TMPRSS11A: variants seen among roughly 807,000 people sequenced by gnomAD.
The protein encoded by TMPRSS11A is transmembrane protease serine 11A.
TMPRSS11A carries 53 observed loss-of-function variants against 58.9 expected under a neutral mutation model. The observed-to-expected ratio is 0.90, with a 90% CI of 0.72 to 1.13. TMPRSS11A has a LOEUF of 1.13. TMPRSS11A is among the 50% of genes most tolerant of loss of function. TMPRSS11A has a pLI of 0.00. For missense variants in TMPRSS11A, 493 were observed against 499.3 expected, an observed-to-expected ratio of 0.99 and a Z score of 0.12; for synonymous variants, 167 against 169.8, an observed-to-expected ratio of 0.98 and a Z score of 0.13.
In TMPRSS11A at chr4:67,920,549, A is replaced by ATATATATATATATATATT. The variant is rs371252656; in HGVS notation, c.693-1318_693-1317insAATATATATATATATATA. 3.8e-5 allele frequency among the ~76,000 whole-genome samples: 5 copies of ATATATATATATATATATT among 130,896 alleles called. No individual in the cohort carries two copies. In the South Asian group the frequency reaches 9.7e-4, roughly 25 times the overall value. 85.9% of individuals were successfully genotyped at this position (130,896 alleles called of 152,430 possible). On this transcript the variant is annotated intron_variant, in intron 7 of 9. Transcript: ENST00000508048. Reference sequence around the variant, plus strand: ...TAATTATATATATATATATATATATATTTTTTTTTATATATACACACACAC... The same window carrying ATATATATATATATATATT: ...TAATTATATATATATATATATATATATATATATATATATATATTTTTTTTTTTATATATACACACACAC...
intron 3 of TMPRSS11A, among the ~76,000 whole-genome samples, chr4:67,940,304 T>G (rs1269038051): frequency 6.6e-6 from 1 of 152,206 alleles, no homozygotes; most frequent in Non-Finnish European, 1.5e-5. Context: ...TCACTAGAAT[T>G]GGTCCTAGCT....
intron 9 of TMPRSS11A, among the ~76,000 whole-genome samples, chr4:67,914,195 G>A (rs1056378902): frequency 3.6e-4 from 54 of 151,924 alleles, no homozygotes; most frequent in Admixed American, 2.8e-3. Context: ...CCTTATTTAC[G>A]TCTCATCTCT....
intron 9 of TMPRSS11A, among the ~76,000 whole-genome samples, chr4:67,912,852 A>T (rs1418974113): frequency 6.6e-6 from 1 of 152,184 alleles, no homozygotes; most frequent in Non-Finnish European, 1.5e-5. Flanking sequence ...TGTAAGCTTC[A>T]GAACTAGGAG....
chr4:67,920,549 A>ATATATATATATATAT lies in TMPRSS11A; in HGVS notation c.693-1318_693-1317insATATATATATATATA, dbSNP rs371252656. Among the ~76,000 whole-genome samples the ATATATATATATATAT allele has an allele frequency of 1.1e-3, 147 of 130,878 alleles. 2 individuals carry two copies. The highest frequency in any genetic ancestry group is 2.8e-3 in the African/African-American group (91 of 32,628). The allele number at this position is 130,878 out of a possible 152,430, so 85.9% of individuals were successfully genotyped here. ...TAATTATATATATATATATATATAT[A>ATATATATATATATAT]TTTTTTTTTATATATACACACACAC... On this transcript the variant is annotated intron_variant, in intron 7 of 9. Coordinates refer to ENST00000508048, the MANE Select transcript of TMPRSS11A (RefSeq NM_001114387.2).
rs758427709 is a variant in TMPRSS11A at position 67,946,540 on chromosome 4, G to T, written c.43C>A (p.Leu15Met). ...AGAACGGCAATCATCCATGGCTTCA[G>T]ATTTCTGCTTCGGGTGCCAAATCCC... is the stretch of plus-strand genomic sequence containing the variant. Reference protein sequence around the residue: ...TVGFGTRSRNLKPWMIAVLIV... With the variant: ...TVGFGTRSRNMKPWMIAVLIV... Residue 15 changes from leucine to methionine, a missense_variant, in exon 2 of 10, where the codon CTG becomes ATG. Physicochemically the swap from Leu to Met is conservative, Grantham distance 15. Coordinates refer to ENST00000508048, the MANE Select transcript of TMPRSS11A (RefSeq NM_001114387.2). 6.2e-7 allele frequency: 1 copy of T among 1,611,564 alleles called. No individual in the cohort carries two copies. The highest frequency in any genetic ancestry group is 1.1e-5 in the South Asian group (1 of 90,662).
intron 1 of TMPRSS11A, among the ~76,000 whole-genome samples, chr4:67,961,961 T>G (rs1721440298): frequency 6.6e-6 from 1 of 152,156 alleles, no homozygotes; most frequent in Admixed American, 6.5e-5. Context: ...CCCATAATTA[T>G]GAGCTTGATA....
At chr4:67,944,727 T>C (rs192533934) in intron 2 of TMPRSS11A, 90 bp from the exon 3 acceptor site, 2 of 1,037,698 alleles carry the variant, frequency 1.9e-6, no homozygotes, top group African/African-American at 3.2e-5. Flanking sequence ...ATCTTGAATA[T>C]GTCCCTGAGC....
chr4:67,930,161 C>T (rs745803266), intron 4 of TMPRSS11A, 121 bp from the exon 5 acceptor site: 5 of 797,646 alleles, frequency 6.3e-6, no homozygotes, highest in Admixed American at 2.6e-5. Context: ...AGTGCTGATC[C>T]TCTCATGTCA....
chr4:67,936,584 T>C (rs1486708624), intron 3 of TMPRSS11A, among the ~76,000 whole-genome samples: 1 of 152,160 alleles, frequency 6.6e-6, no homozygotes, highest in African/African-American at 2.4e-5. Flanking sequence ...AACAAAAAGG[T>C]AATCAGATCA....
intron 1 of TMPRSS11A, among the ~76,000 whole-genome samples, chr4:67,958,997 A>G (rs1577875024): frequency 6.6e-6 from 1 of 152,202 alleles, no homozygotes; most frequent in Non-Finnish European, 1.5e-5. Context: ...CATGATTGTG[A>G]GGCCTCCCCA....
chr4:67,953,413 C>T, intron 1 of TMPRSS11A, among the ~76,000 whole-genome samples: 1 of 152,148 alleles, frequency 6.6e-6, no homozygotes, highest in Non-Finnish European at 1.5e-5. Flanking sequence ...CTAGCTCTTA[C>T]AGACTTGAAA....
intron 7 of TMPRSS11A, among the ~76,000 whole-genome samples, chr4:67,921,846 T>C (rs73825617): frequency 0.026 from 3,892 of 152,238 alleles, 158 homozygotes; most frequent in African/African-American, 0.089. Context: ...TATATAGAGA[T>C]ACTCAAGAAG....
At chr4:67,916,791 C>T (rs1720166510) in intron 8 of TMPRSS11A, among the ~76,000 whole-genome samples, 1 of 152,052 alleles carries the variant, frequency 6.6e-6, no homozygotes, top group Non-Finnish European at 1.5e-5. Flanking sequence ...CACGCCACTG[C>T]ACTCCAGCCT....
At chr4:67,939,512 T>A (rs191544263) in intron 3 of TMPRSS11A, among the ~76,000 whole-genome samples, 1 of 152,314 alleles carries the variant, frequency 6.6e-6, no homozygotes, top group Non-Finnish European at 1.5e-5. Flanking sequence ...GGATAGTGCC[T>A]CCAGCTTTTG....
intron 3 of TMPRSS11A, among the ~76,000 whole-genome samples, chr4:67,943,232 G>A (rs926250271): frequency 6.6e-6 from 1 of 152,086 alleles, no homozygotes; most frequent in African/African-American, 2.4e-5. Flanking sequence ...ATGCACCTCC[G>A]CATTTCTCTC....
intron 5 of TMPRSS11A, among the ~76,000 whole-genome samples, chr4:67,924,467 G>A (rs781332769): frequency 1.4e-4 from 22 of 152,188 alleles, no homozygotes; most frequent in Non-Finnish European, 2.5e-4. Flanking sequence ...CCAGCAGTTC[G>A]GGGTAAAGCT....
intron 1 of TMPRSS11A, among the ~76,000 whole-genome samples, chr4:67,961,196 T>C (rs1721411866): frequency 6.6e-6 from 1 of 152,198 alleles, no homozygotes; most frequent in South Asian, 2.1e-4. Context: ...AAGGCTTCCA[T>C]ATTATGTTTC....
chr4:67,949,870 A>G (rs77386061), intron 1 of TMPRSS11A, among the ~76,000 whole-genome samples: 9,215 of 152,202 alleles, frequency 0.061, 358 homozygotes, highest in Middle Eastern at 0.15. Context: ...AAAAAGTATC[A>G]TCACCTTCTC....
At chr4:67,927,251 G>A (rs1342410815) in intron 5 of TMPRSS11A, among the ~76,000 whole-genome samples, 1 of 152,162 alleles carries the variant, frequency 6.6e-6, no homozygotes, top group Non-Finnish European at 1.5e-5. Flanking sequence ...AGAGAGAAAA[G>A]CTGCAGCCCT....
Sources: gnomAD v4.1 joint callset for allele counts (sites outside exome capture counted in the v4.1 genomes callset) on GRCh38, gnomAD v4.1.1 for gene constraint, MANE v1.5 for transcripts, NCBI Gene and HGNC (gene_info 2026-07-23, HGNC 2026-07-21) for gene names.